SMPD4: variants seen among roughly 807,000 people sequenced by gnomAD.
The protein encoded by SMPD4 is sphingomyelin phosphodiesterase 4, also known as neutral sphingomyelinase 3.
SMPD4 carries 58 observed loss-of-function variants against 97.8 expected under a neutral mutation model. The ratio of observed to expected loss-of-function variants is 0.59; its 90% CI spans 0.48 to 0.74. SMPD4 has a LOEUF of 0.74. SMPD4 is among the 30% of genes least tolerant of loss of function. The pLI is 0.00. For synonymous variants in SMPD4, 388 were observed against 450.0 expected (o/e 0.86, Z 1.74); for missense variants, 853 against 1,080.5 (o/e 0.79, Z 2.95).
At chr2:130,169,669 C>T (rs1187267081) in intron 8 of SMPD4, among the ~76,000 whole-genome samples, 1 of 152,106 alleles carries the variant, frequency 6.6e-6, no homozygotes, top group Non-Finnish European at 1.5e-5. Flanking sequence ...GATCCTCCCA[C>T]CTCAGCCTCC....
rs1688053552 is a variant in SMPD4 at position 130,167,580 on chromosome 2, T to C, written c.670A>G (p.Ile224Val). 3 of 1,609,120 alleles carry C rather than the reference T, an allele frequency of 1.9e-6. No homozygotes were observed. The highest frequency in any genetic ancestry group is 2.5e-6 in the Non-Finnish European group (3 of 1,176,512). The stretch of plus-strand genomic sequence containing the variant: ...TGGAGGCCATAGGAAGCAAAGGGTA[T>C]GGCTGGTGTCCTGAGGGAGACACAG... Reference protein sequence around the residue: ...SPSPPPRTPAIPFASYGLHHT... With the variant: ...SPSPPPRTPAVPFASYGLHHT... Residue 224 changes from isoleucine (I) to valine (V), a missense_variant, in exon 9 of 20, where the codon ATA (isoleucine) becomes GTA (valine). Coordinates refer to ENST00000680298, the MANE Select transcript of SMPD4 (RefSeq NM_017951.5).
rs1573654004 is a variant in SMPD4 at position 130,152,341 on chromosome 2, T to G, written c.*214A>C. On this transcript the variant is annotated 3_prime_UTR_variant, in exon 20 of 20. Coordinates refer to ENST00000680298, the MANE Select transcript of SMPD4 (RefSeq NM_017951.5). ...GCTCTGCGCTGTCACAGAGCGTAGC[T>G]GTTGAGCCCTGGCAGCTACTCCTTT... 1 of 596,742 alleles carries G rather than the reference T, an allele frequency of 1.7e-6. No individual in the cohort carries two copies. Among genetic ancestry groups the G allele is most frequent in the East Asian group, 2.8e-5 (1 of 35,486 alleles). The allele number at this position is 596,742 out of a possible 1,614,324, so 37.0% of individuals were successfully genotyped here. A position where few individuals can be genotyped will look rare whatever the true frequency, so the allele number is the denominator to read the frequency against.
intron 8 of SMPD4, among the ~76,000 whole-genome samples, chr2:130,170,566 G>A (rs1445459169): frequency 6.6e-6 from 1 of 151,380 alleles, no homozygotes; most frequent in Admixed American, 6.6e-5. Flanking sequence ...AGGAGTTCTA[G>A]AGCAGCCTGG....
At chr2:130,152,968 C>G (rs939569012) in intron 19 of SMPD4, 75 bp downstream of exon 19, 36 of 1,564,660 alleles carry the variant, frequency 2.3e-5, no homozygotes, top group Non-Finnish European at 2.9e-5. Flanking sequence ...CACAGGCCAC[C>G]CCAGGACTGC....
At chr2:130,162,917 C>A (rs1271686792) in intron 10 of SMPD4, among the ~76,000 whole-genome samples, 2 of 152,182 alleles carry the variant, frequency 1.3e-5, no homozygotes, top group Non-Finnish European at 2.9e-5. Context: ...AAGGTCTGGC[C>A]AAGAGGAAGC....
chr2:130,156,554 C>A, intron 13 of SMPD4, 31 bp downstream of exon 13: 1 of 1,601,020 alleles, frequency 6.2e-7, no homozygotes, highest in South Asian at 1.1e-5. Flanking sequence ...ACAGAGGACA[C>A]AGGCACACGT....
chr2:130,168,878 C>T lies in SMPD4; in HGVS notation c.660-1288G>A, dbSNP rs1688178741. On this transcript the variant is annotated intron_variant, in intron 8 of 19. Transcript: ENST00000680298. ...CTGGGATTACAGGCGCACACCACCA[C>T]ACCTGGTTATTTTTAAATTTTTGGT... 2.0e-5 allele frequency among the ~76,000 whole-genome samples: 3 copies of T among 151,790 alleles called. No individual in the cohort carries two copies. In the South Asian group the frequency reaches 6.2e-4, roughly 32 times the overall value.
chr2:130,159,937 C>T (rs2104831622), intron 11 of SMPD4, among the ~76,000 whole-genome samples: 1 of 152,324 alleles, frequency 6.6e-6, no homozygotes, highest in East Asian at 1.9e-4. Flanking sequence ...CACTGTCCGC[C>T]CCTGCCGCCG....
chr2:130,181,326 G>A (rs1689595346), intron 1 of SMPD4: 1 of 1,426,902 alleles, frequency 7.0e-7, no homozygotes, highest in African/African-American at 1.4e-5. Context: ...GAGCCGCGCG[G>A]GAAGGTGGCA....
In SMPD4 at chr2:130,173,676, A is replaced by C; in HGVS notation, c.127-20T>G. The C allele has an allele frequency of 6.2e-7, 1 of 1,613,648 alleles. No homozygotes were observed. The highest frequency in any genetic ancestry group is 2.2e-5 in the East Asian group (1 of 44,866). ...CAGCTCCTGAAACAATGTGTGGTGA[A>C]GCCGCGTGCAGGACCAGCACCCACT... is the stretch of plus-strand genomic sequence containing the variant. On this transcript the variant is annotated intron_variant, in intron 3 of 19. Transcript: ENST00000680298.
chr2:130,171,586 T>C (rs762019677), intron 8 of SMPD4, among the ~76,000 whole-genome samples: 1 of 152,168 alleles, frequency 6.6e-6, no homozygotes, highest in Non-Finnish European at 1.5e-5. Flanking sequence ...TGCCGCTACC[T>C]GGGCAGCGTC....
chr2:130,167,819 CA>C (rs1029046925), intron 8 of SMPD4, among the ~76,000 whole-genome samples: 1 of 152,138 alleles, frequency 6.6e-6, no homozygotes, highest in African/African-American at 2.4e-5. Context: ...CATTGACCCA[CA>C]AATCAATGAA....
intron 11 of SMPD4, among the ~76,000 whole-genome samples, chr2:130,158,558 C>T (rs993164502): frequency 1.3e-5 from 2 of 152,162 alleles, no homozygotes; most frequent in South Asian, 2.1e-4. Flanking sequence ...GGAATACAGG[C>T]GTGAGCCACT....
chr2:130,176,265 T>A (rs563276215), intron 2 of SMPD4, among the ~76,000 whole-genome samples: 3 of 152,228 alleles, frequency 2.0e-5, no homozygotes, highest in Non-Finnish European at 4.4e-5. Context: ...AACATTCTGA[T>A]ATACATCCTT....
chr2:130,181,325 G>T, intron 1 of SMPD4: 1 of 1,426,296 alleles, frequency 7.0e-7, no homozygotes, highest in Non-Finnish European at 9.1e-7. Flanking sequence ...CGAGCCGCGC[G>T]GGAAGGTGGC....
chr2:130,158,177 C>T (rs755296827), intron 11 of SMPD4: 2 of 1,270,762 alleles, frequency 1.6e-6, no homozygotes, highest in South Asian at 1.3e-5. Flanking sequence ...TCCCCAATTC[C>T]TCCCACCTGC....
intron 1 of SMPD4, among the ~76,000 whole-genome samples, chr2:130,179,870 G>GTC (rs1403590998): frequency 6.6e-6 from 1 of 151,948 alleles, no homozygotes; most frequent in Non-Finnish European, 1.5e-5. Context: ...GGCCAGACTG[G>GTC]TCTCAAACTC....
intron 14 of SMPD4, 27 bp downstream of exon 14, chr2:130,156,008 A>C: frequency 1.9e-6 from 3 of 1,602,642 alleles, no homozygotes; most frequent in Non-Finnish European, 2.6e-6. Flanking sequence ...AGCCAGTGGC[A>C]TGTCTGTGAG....
Position 130,153,397 on chromosome 2 carries a change from A to T in SMPD4, c.1947T>A (p.Asp649Glu), listed in dbSNP as rs984938434. 1.2e-6 allele frequency: 2 copies of T among 1,613,704 alleles called. No individual in the cohort carries two copies. The highest frequency in any genetic ancestry group is 1.3e-5 in the African/African-American group (1 of 75,012). ...CGGGGAGTTGCTTTTTTCCATTCTC[A>T]TCCTGGGTGGTGCCCAAGGCGAGTG... ...QFTLALGTTQ[D>E]ENGKKQLPDC... Residue 649 changes from aspartate to glutamate, a missense_variant, in exon 18 of 20, where the codon GAT (aspartate) becomes GAA (glutamate). By Grantham distance (45) the Asp-to-Glu change is conservative (BLOSUM62 2). Around this residue, in one of 3 missense-constraint regions of SMPD4, gnomAD observed 511 missense variants for 608.1 expected, o/e 0.84. Coordinates refer to ENST00000680298, the MANE Select transcript of SMPD4 (RefSeq NM_017951.5).
Sources: allele counts gnomAD v4.1 joint callset (sites outside exome capture counted in the v4.1 genomes callset), GRCh38; gene constraint gnomAD v4.1.1; regional missense constraint gnomAD v4.1.1; transcripts MANE v1.5; gene names NCBI Gene and HGNC (gene_info 2026-07-23, HGNC 2026-07-21).